NR3C2: variants seen among roughly 807,000 people sequenced by gnomAD.
NR3C2 encodes the protein nuclear receptor subfamily 3 group C member 2.
A neutral mutation model predicts 86.4 loss-of-function variants in NR3C2; 15 were observed. The observed-to-expected ratio is 0.17, with a 90% CI of 0.12 to 0.27. The LOEUF is 0.27. Ranked by LOEUF, NR3C2 falls within the 10% of genes least tolerant of loss-of-function variation. The probability of loss-of-function intolerance (pLI) is 1.00; values close to 1 mark genes in which losing one functional copy is unlikely to be tolerated. For missense variants in NR3C2, 960 were observed against 1,195.6 expected, an observed-to-expected ratio of 0.80 and a Z score of 2.91; for synonymous variants, 458 against 450.5, an observed-to-expected ratio of 1.02 and a Z score of -0.21.
rs145338758 is a variant in NR3C2, at chr4:148,257,250, T to A, written c.1897+2728A>T. 3.5e-3 allele frequency among the ~76,000 whole-genome samples: 532 copies of A among 152,244 alleles called. 4 individuals carry two copies. The highest frequency in any genetic ancestry group is 0.012 in the African/African-American group (498 of 41,534). ...AAATATTTAAATATACAAACATACA[T>A]CCATACATATATATGTATATACATA... On this transcript the variant is annotated intron_variant, in intron 3 of 8. Transcript: ENST00000358102.
In NR3C2 at chr4:148,250,687, T is replaced by C. The variant is rs551808194; in HGVS notation, c.1897+9291A>G. 9.2e-5 allele frequency among the ~76,000 whole-genome samples: 14 copies of C among 152,348 alleles called. No homozygotes were observed. The South Asian group carries it at 2.9e-3, about 32-fold the overall frequency. On this transcript the variant is annotated intron_variant, in intron 3 of 8. Coordinates refer to ENST00000358102, the MANE Select transcript of NR3C2 (RefSeq NM_000901.5). ...ATAAACTTTTTCAAAGTTTTGTCTT[T>C]CTGCTCTTGTATTCCTGTTTATCCA...
chr4:148,213,428 T>C (rs988970288), intron 3 of NR3C2, among the ~76,000 whole-genome samples: 2 of 152,208 alleles, frequency 1.3e-5, no homozygotes, highest in African/African-American at 4.8e-5. Context: ...CCAATAATGA[T>C]GGAATTTTTA....
chr4:148,159,603 C>T (rs1010569791), intron 4 of NR3C2, among the ~76,000 whole-genome samples: 4 of 152,126 alleles, frequency 2.6e-5, no homozygotes, highest in African/African-American at 9.7e-5. Flanking sequence ...CTAGTAAATA[C>T]CAGGGTGAGG....
At chr4:148,252,172 T>C (rs1055853150) in intron 3 of NR3C2, among the ~76,000 whole-genome samples, 2 of 152,178 alleles carry the variant, frequency 1.3e-5, no homozygotes, top group Non-Finnish European at 2.9e-5. Context: ...AAAATGTGAA[T>C]AGACAATCAA....
At chr4:148,218,830 G>C (rs1207847673) in intron 3 of NR3C2, among the ~76,000 whole-genome samples, 4 of 152,220 alleles carry the variant, frequency 2.6e-5, no homozygotes, top group Admixed American at 6.5e-5. Context: ...TCATGTTGCA[G>C]TGCGTGCTGA....
Position 148,199,115 on chromosome 4 carries a change from A to C in NR3C2, c.1898-4253T>G, listed in dbSNP as rs1313035316. On this transcript the variant is annotated intron_variant, in intron 3 of 8. Coordinates refer to ENST00000358102, the MANE Select transcript of NR3C2 (RefSeq NM_000901.5). ...AAAAAAAAAAAAAGTAGGATGAGAA[A>C]ATCCAAAGAACAAAAATCAACTCGT... is the stretch of plus-strand genomic sequence containing the variant. 4.0e-5 allele frequency among the ~76,000 whole-genome samples: 6 copies of C among 151,722 alleles called. No homozygotes were observed. In the East Asian group the frequency reaches 9.6e-4, roughly 24 times the overall value.
intron 3 of NR3C2, among the ~76,000 whole-genome samples, chr4:148,199,462 C>T (rs1413043945): frequency 6.6e-6 from 1 of 152,060 alleles, no homozygotes; most frequent in Non-Finnish European, 1.5e-5. Context: ...CTCTCGCTAT[C>T]TCTTTTTTTT....
intron 2 of NR3C2, among the ~76,000 whole-genome samples, chr4:148,340,969 A>G (rs1414855937): frequency 6.6e-6 from 1 of 152,150 alleles, no homozygotes; most frequent in Admixed American, 6.5e-5. Flanking sequence ...ACAAAAAAAA[A>G]TAACAGTTGC....
intron 2 of NR3C2, among the ~76,000 whole-genome samples, chr4:148,304,609 G>A (rs1322996892): frequency 6.6e-6 from 1 of 152,086 alleles, no homozygotes; most frequent in Admixed American, 6.5e-5. Flanking sequence ...TCAGCAGGAA[G>A]CAGTTAAGAT....
At chr4:148,217,522 A>T (rs1227522777) in intron 3 of NR3C2, among the ~76,000 whole-genome samples, 1 of 152,148 alleles carries the variant, frequency 6.6e-6, no homozygotes, top group African/African-American at 2.4e-5. Context: ...TGTCCTATTT[A>T]ATTAAGTCTT....
chr4:148,127,972 T>C (rs1007310142), intron 6 of NR3C2, among the ~76,000 whole-genome samples: 1 of 152,222 alleles, frequency 6.6e-6, no homozygotes, highest in Non-Finnish European at 1.5e-5. Context: ...TCTGATTCAC[T>C]TGGGACTAAA....
intron 2 of NR3C2, among the ~76,000 whole-genome samples, chr4:148,266,805 T>C (rs1740418988): frequency 1.3e-5 from 2 of 152,122 alleles, no homozygotes; most frequent in South Asian, 4.1e-4. Context: ...AGGCAGGAGA[T>C]AATAATGGTG....
At chr4:148,370,546 AAG>A in intron 2 of NR3C2, among the ~76,000 whole-genome samples, 1 of 152,288 alleles carries the variant, frequency 6.6e-6, no homozygotes, top group South Asian at 2.1e-4. Context: ...CTACATATGA[AAG>A]AAACAGACGT....
intron 2 of NR3C2, among the ~76,000 whole-genome samples, chr4:148,319,993 A>G (rs957949117): frequency 2.7e-5 from 4 of 147,792 alleles, no homozygotes; most frequent in Non-Finnish European, 5.9e-5. Flanking sequence ...TTGCCCATTC[A>G]GTATGATATT....
chr4:148,441,352 T>C (rs1750329011), intron 1 of NR3C2, among the ~76,000 whole-genome samples: 2 of 152,224 alleles, frequency 1.3e-5, no homozygotes, highest in Admixed American at 6.5e-5. Context: ...ATCATTACTA[T>C]GTAAATATCA....
chr4:148,344,117 G>A (rs991902335), intron 2 of NR3C2, among the ~76,000 whole-genome samples: 7 of 152,050 alleles, frequency 4.6e-5, no homozygotes, highest in African/African-American at 1.7e-4. Flanking sequence ...GTCTTTTTAG[G>A]ACTGACTTAA....
intron 2 of NR3C2, among the ~76,000 whole-genome samples, chr4:148,381,718 C>G (rs1443866831): frequency 1.3e-5 from 2 of 152,162 alleles, no homozygotes; most frequent in East Asian, 3.8e-4. Flanking sequence ...TTCATTCAGT[C>G]TAGGATCACT....
intron 2 of NR3C2, among the ~76,000 whole-genome samples, chr4:148,344,106 C>T (rs928807607): frequency 2.6e-5 from 4 of 152,144 alleles, no homozygotes; most frequent in African/African-American, 7.2e-5. Flanking sequence ...AGTCCTTATT[C>T]GTCTTTTTAG....
intron 4 of NR3C2, among the ~76,000 whole-genome samples, chr4:148,176,743 T>A (rs1470141346): frequency 6.6e-6 from 1 of 152,178 alleles, no homozygotes; most frequent in East Asian, 1.9e-4. Flanking sequence ...CATCACAGCA[T>A]TGCATGGGAT....
Sources: gnomAD v4.1 joint callset for allele counts (sites outside exome capture counted in the v4.1 genomes callset) on GRCh38, gnomAD v4.1.1 for gene constraint, MANE v1.5 for transcripts, NCBI Gene and HGNC (gene_info 2026-07-23, HGNC 2026-07-21) for gene names.